VAV3: variants seen among roughly 807,000 people sequenced by gnomAD.
VAV3 encodes the protein vav guanine nucleotide exchange factor 3, also known as guanine nucleotide exchange factor VAV3.
Under a neutral mutation model 131.2 loss-of-function variants are expected in VAV3, and 94 were observed. The observed-to-expected ratio is 0.72, with a 90% CI of 0.61 to 0.85. The LOEUF (loss-of-function observed/expected upper bound fraction) is 0.85, where lower values mean the gene tolerates loss of function less well. VAV3 is among the 40% of genes least tolerant of loss of function. VAV3 has a pLI of 0.00. For synonymous variants in VAV3, 349 were observed against 342.0 expected, an observed-to-expected ratio of 1.02 and a Z score of -0.22; for missense variants, 939 against 1,002.7, an observed-to-expected ratio of 0.94 and a Z score of 0.86.
chr1:107,759,415 GGT>G (rs1664295375), intron 10 of VAV3, among the ~76,000 whole-genome samples: 1 of 152,070 alleles, frequency 6.6e-6, no homozygotes. Flanking sequence ...GTGAATCTGT[GGT>G]TTCAAATCAT....
At chr1:107,803,130 A>G (rs1666905126) in intron 2 of VAV3, among the ~76,000 whole-genome samples, 1 of 151,674 alleles carries the variant, frequency 6.6e-6, no homozygotes, top group African/African-American at 2.4e-5. Flanking sequence ...GTTGGCCTAT[A>G]CTTATAATAG....
chr1:107,606,862 C>G (rs1407281434), intron 22 of VAV3, among the ~76,000 whole-genome samples: 1 of 65,238 alleles, frequency 1.5e-5, no homozygotes, highest in Non-Finnish European at 2.8e-5. Context: ...TATGGTTACT[C>G]TTTGTTGTTT....
intron 2 of VAV3, among the ~76,000 whole-genome samples, chr1:107,864,668 C>T (rs1669898856): frequency 6.6e-6 from 1 of 152,128 alleles, no homozygotes; most frequent in Non-Finnish European, 1.5e-5. Flanking sequence ...ACTAGCATCC[C>T]CTTCTCACTG....
At chr1:107,819,362 T>A (rs940258017) in intron 2 of VAV3, among the ~76,000 whole-genome samples, 2 of 152,056 alleles carry the variant, frequency 1.3e-5, no homozygotes. Context: ...TTAATTCTTA[T>A]TTCAAAAACA....
At chr1:107,933,617 C>G (rs1673567214) in intron 1 of VAV3, among the ~76,000 whole-genome samples, 1 of 151,598 alleles carries the variant, frequency 6.6e-6, no homozygotes, top group Non-Finnish European at 1.5e-5. Context: ...GTTAAGAGAC[C>G]AGCCTGGGGA....
chr1:107,573,846 G>A (rs1649421969), intron 26 of VAV3, among the ~76,000 whole-genome samples: 1 of 152,144 alleles, frequency 6.6e-6, no homozygotes, highest in Admixed American at 6.5e-5. Context: ...TTTTATTTAT[G>A]TCACTATCAT....
At chr1:107,646,205 A>C (rs1162456824) in intron 19 of VAV3, among the ~76,000 whole-genome samples, 1 of 144,160 alleles carries the variant, frequency 6.9e-6, no homozygotes, top group East Asian at 1.9e-4. Flanking sequence ...GCAGTGATTA[A>C]TTGGAAACAG....
chr1:107,805,375 G>A (rs1306488692), intron 2 of VAV3, among the ~76,000 whole-genome samples: 1 of 151,878 alleles, frequency 6.6e-6, no homozygotes, highest in Non-Finnish European at 1.5e-5. Flanking sequence ...TCTCCTCTGT[G>A]TAATTTCAAA....
chr1:107,597,695 C>T (rs2101078589), intron 24 of VAV3, among the ~76,000 whole-genome samples: 1 of 152,250 alleles, frequency 6.6e-6, no homozygotes, highest in South Asian at 2.1e-4. Flanking sequence ...CAAAGACCAC[C>T]TTTCATAAGC....
chr1:107,816,519 T>G (rs1182421918), intron 2 of VAV3, among the ~76,000 whole-genome samples: 2 of 152,204 alleles, frequency 1.3e-5, no homozygotes. Flanking sequence ...TGACCTTGAT[T>G]CTGCAAAACT....
In VAV3 at chr1:107,777,098, G is replaced by A. The variant is rs767637777; in HGVS notation, c.446+133C>T. 17 of 764,476 alleles carry A rather than the reference G, an allele frequency of 2.2e-5. No homozygotes were observed. Among genetic ancestry groups the A allele is most frequent in the South Asian group, 1.1e-4 (7 of 62,606 alleles). The allele number at this position is 764,476 out of a possible 1,614,324, so 47.4% of individuals were successfully genotyped here. A position where few individuals can be genotyped will look rare whatever the true frequency, so the allele number is the denominator to read the frequency against. ...ACATTTTCTTGTAAAGCTTTCCATC[G>A]CCAGTTTAAGGTTAATCAGTAATTA... On this transcript the variant is annotated intron_variant, in intron 4 of 26. Coordinates refer to ENST00000370056, the MANE Select transcript of VAV3 (RefSeq NM_006113.5).
intron 21 of VAV3, among the ~76,000 whole-genome samples, chr1:107,615,337 G>A (rs1486965688): frequency 5.9e-5 from 9 of 152,038 alleles, no homozygotes; most frequent in African/African-American, 1.9e-4. Flanking sequence ...CAAATAACAC[G>A]TTCTCACTTG....
intron 1 of VAV3, among the ~76,000 whole-genome samples, chr1:107,938,510 A>G (rs914218355): frequency 7.2e-5 from 11 of 152,170 alleles, no homozygotes; most frequent in Admixed American, 4.6e-4. Context: ...AGGGGCAGAA[A>G]TGGAAGAGGA....
chr1:107,919,800 A>G (rs996039358), intron 1 of VAV3, among the ~76,000 whole-genome samples: 52 of 152,186 alleles, frequency 3.4e-4, no homozygotes, highest in African/African-American at 1.2e-3. Flanking sequence ...ACCATAAACC[A>G]TGTGGTATCT....
At chr1:107,623,388 T>C (rs1653750427) in intron 20 of VAV3, among the ~76,000 whole-genome samples, 1 of 152,236 alleles carries the variant, frequency 6.6e-6, no homozygotes, top group Non-Finnish European at 1.5e-5. Context: ...ATTTCTAAGT[T>C]TTCCTTTTTT....
chr1:107,898,503 C>T (rs551607010), intron 1 of VAV3, among the ~76,000 whole-genome samples: 1 of 152,238 alleles, frequency 6.6e-6, no homozygotes, highest in East Asian at 1.9e-4. Context: ...ACAAGGATCT[C>T]TTTATAAGTG....
rs753243195 is a variant in VAV3, at chr1:107,772,746, C to A, written c.544G>T (p.Ala182Ser). The A allele has an allele frequency of 1.2e-6, 2 of 1,613,094 alleles. No individual in the cohort carries two copies. Among genetic ancestry groups the A allele is most frequent in the South Asian group, 2.2e-5 (2 of 90,920 alleles). Residue 182 changes from alanine to serine, a missense_variant, in exon 5 of 27, where the codon GCA becomes TCA. Physicochemically the swap from Ala to Ser is moderately conservative, Grantham distance 99 (BLOSUM62 1). Coordinates refer to ENST00000370056, the MANE Select transcript of VAV3 (RefSeq NM_006113.5). The stretch of plus-strand genomic sequence containing the variant: ...AGTAAAAGTCCTACGGGCTGATGTG[C>A]TTCCTCTGCCTTCATTAAGTCCTCA... The part of the protein sequence containing the change: ...VYEDLMKAEE[A>S]HQPKCPENDI...
chr1:107,710,377 G>A (rs1042632674), intron 15 of VAV3, among the ~76,000 whole-genome samples: 3 of 152,282 alleles, frequency 2.0e-5, no homozygotes, highest in African/African-American at 7.2e-5. Flanking sequence ...AAAAACACCT[G>A]TCTGAATGCA....
intron 1 of VAV3, chr1:107,963,651 T>C (rs1322618150): frequency 6.6e-6 from 1 of 152,262 alleles, no homozygotes; most frequent in African/African-American, 2.4e-5. Context: ...CTCTGGTTGC[T>C]AAGTAGCTGA....
Sources: allele counts gnomAD v4.1 joint callset (sites outside exome capture counted in the v4.1 genomes callset), GRCh38; gene constraint gnomAD v4.1.1; transcripts MANE v1.5; gene names NCBI Gene and HGNC (gene_info 2026-07-23, HGNC 2026-07-21).